The following GLI2 variants were observed in gnomAD, a reference collection of about 807,000 sequenced individuals.
The protein encoded by GLI2 is transcription activator GLI2.
GLI2 carries 22 observed loss-of-function variants against 78.9 expected under a neutral mutation model. The observed-to-expected ratio is 0.28, with a 90% confidence interval of 0.20 to 0.40. GLI2 has a LOEUF of 0.40. Ranked by LOEUF, GLI2 falls within the 10% of genes least tolerant of loss-of-function variation. GLI2 has a pLI of 1.00. For synonymous variants in GLI2, 974 were observed against 963.7 expected, an observed-to-expected ratio of 1.01 and a Z score of -0.20; for missense variants, 2,097 against 2,213.2, an observed-to-expected ratio of 0.95 and a Z score of 1.05.
intron 2 of GLI2, among the ~76,000 whole-genome samples, chr2:120,905,353 T>A (rs1184988511): frequency 6.6e-6 from 1 of 152,124 alleles, no homozygotes; most frequent in African/African-American, 2.4e-5. Flanking sequence ...AGCTGCTGAC[T>A]TGGAGGGTGG....
intron 2 of GLI2, among the ~76,000 whole-genome samples, chr2:120,872,875 G>A (rs1181843517): frequency 4.6e-5 from 7 of 152,240 alleles, no homozygotes; most frequent in East Asian, 1.9e-4. Flanking sequence ...TTCTCTGAAC[G>A]TGACAGGCTA....
intron 8 of GLI2, 184 bp from the exon 9 acceptor site, chr2:120,974,779 AGTGTGTGTGTGT>A (rs3043526): frequency 9.2e-6 from 6 of 649,232 alleles, no homozygotes; most frequent in African/African-American, 8.9e-5. Context: ...AAGGCTGATG[AGTGTGTGTGTGT>A]GTGTGTGTGT....
At position 120,787,323 on chromosome 2, in the gene GLI2, G is replaced by T. The variant is rs1241048404; in HGVS notation, c.-30-9968G>T. On this transcript the variant is annotated intron_variant, in intron 1 of 13. Coordinates refer to ENST00000361492, the MANE Select transcript of GLI2 (RefSeq NM_001374353.1). ...ATGACAGCGACTTGGACCTTGTCCT[G>T]TGCGCACTCACTGCCTTCATGGTCC... 2.6e-5 allele frequency among the ~76,000 whole-genome samples: 4 copies of T among 152,214 alleles called. 1 individual carries two copies. Among genetic ancestry groups the T allele is most frequent in the Admixed American group, 2.0e-4 (3 of 15,282 alleles).
intron 2 of GLI2, among the ~76,000 whole-genome samples, chr2:120,825,335 C>T (rs187026620): frequency 4.6e-5 from 7 of 152,364 alleles, no homozygotes; most frequent in African/African-American, 7.2e-5. Flanking sequence ...AACAACCTCA[C>T]CTGGCTGTGA....
intron 2 of GLI2, among the ~76,000 whole-genome samples, chr2:120,811,832 T>TCCTC (rs1001287640): frequency 1.3e-5 from 2 of 152,192 alleles, no homozygotes; most frequent in East Asian, 1.9e-4. Flanking sequence ...AGATTCTTTT[T>TCCTC]CCTCCCTCCC....
intron 3 of GLI2, among the ~76,000 whole-genome samples, chr2:120,943,539 C>T (rs963010087): frequency 9.9e-5 from 15 of 152,212 alleles, no homozygotes; most frequent in African/African-American, 3.1e-4. Flanking sequence ...TCATCAGCAA[C>T]AGCTGTTGGA....
At chr2:120,862,637 T>TG (rs1447670748) in intron 2 of GLI2, among the ~76,000 whole-genome samples, 1 of 152,098 alleles carries the variant, frequency 6.6e-6, no homozygotes, top group African/African-American at 2.4e-5. Context: ...GCTGGGCAGG[T>TG]GGGGGGCCAA....
chr2:120,789,605 T>G (rs1274144343), intron 1 of GLI2, among the ~76,000 whole-genome samples: 1 of 152,242 alleles, frequency 6.6e-6, no homozygotes, highest in Non-Finnish European at 1.5e-5. Context: ...TAGCATATAC[T>G]GCCTTGGACT....
chr2:120,991,508 C>G lies in GLI2; in HGVS notation c.*833C>G, dbSNP rs1267018490. The G allele has an allele frequency of 6.6e-6, 1 of 152,650 alleles. No homozygotes were observed. Among genetic ancestry groups the G allele is most frequent in the Non-Finnish European group, 1.5e-5 (1 of 68,094 alleles). 9.5% of individuals were successfully genotyped at this position (152,650 alleles called of 1,614,324 possible). A position where few individuals can be genotyped will look rare whatever the true frequency, so the allele number is the denominator to read the frequency against. On this transcript the variant is annotated 3_prime_UTR_variant, in exon 14 of 14. Transcript: ENST00000361492. ...GAAAAGAAGACTTGTTTCTAAATAC[C>G]TCGGGGCTGCTGGAGCCGCTGTGGG... is the stretch of plus-strand genomic sequence containing the variant.
intron 1 of GLI2, among the ~76,000 whole-genome samples, chr2:120,760,798 T>A (rs1323822777): frequency 6.6e-6 from 1 of 152,146 alleles, no homozygotes. Context: ...AACAAAACTG[T>A]CATAATGTTT....
chr2:120,947,790 G>C (rs776730370), intron 3 of GLI2, among the ~76,000 whole-genome samples: 3 of 152,222 alleles, frequency 2.0e-5, no homozygotes, highest in Non-Finnish European at 4.4e-5. Flanking sequence ...TGAAGGGACA[G>C]GCAGTGCCAG....
At chr2:120,957,360 G>A (rs1222883955) in intron 5 of GLI2, among the ~76,000 whole-genome samples, 1 of 152,246 alleles carries the variant, frequency 6.6e-6, no homozygotes, top group Non-Finnish European at 1.5e-5. Flanking sequence ...ACACATCCAT[G>A]TGCTCTGTTC....
At chr2:120,813,011 A>T (rs1460964412) in intron 2 of GLI2, among the ~76,000 whole-genome samples, 1 of 150,064 alleles carries the variant, frequency 6.7e-6, no homozygotes, top group African/African-American at 2.5e-5. Flanking sequence ...TGGGAGATGG[A>T]CCCCCAGCAC....
intron 2 of GLI2, among the ~76,000 whole-genome samples, chr2:120,912,958 A>G (rs990083180): frequency 1.3e-5 from 2 of 152,112 alleles, no homozygotes; most frequent in African/African-American, 2.4e-5. Context: ...ATCGCAAGTA[A>G]CCCTCCTACG....
chr2:120,829,319 G>A (rs1209889950), intron 2 of GLI2, among the ~76,000 whole-genome samples: 1 of 152,224 alleles, frequency 6.6e-6, no homozygotes, highest in African/African-American at 2.4e-5. Flanking sequence ...CATTTACAGA[G>A]TGGGCGCATT....
chr2:120,901,325 G>T (rs1402396964), intron 2 of GLI2, among the ~76,000 whole-genome samples: 1 of 152,174 alleles, frequency 6.6e-6, no homozygotes, highest in African/African-American at 2.4e-5. Context: ...GATACAATTG[G>T]GTTCTTAAAA....
intron 1 of GLI2, among the ~76,000 whole-genome samples, chr2:120,749,039 A>C (rs1333513420): frequency 6.6e-6 from 1 of 152,012 alleles, no homozygotes; most frequent in Non-Finnish European, 1.5e-5. Flanking sequence ...TCTTTGGTGT[A>C]CCCTTCCTCC....
chr2:120,877,603 C>T (rs1481322985), intron 2 of GLI2, among the ~76,000 whole-genome samples: 1 of 152,128 alleles, frequency 6.6e-6, no homozygotes, highest in Non-Finnish European at 1.5e-5. Context: ...TGCTTTTGTT[C>T]TTTATGTCAA....
Position 120,986,407 on chromosome 2 carries a change from G to T in GLI2, c.2035G>T (p.Ala679Ser). Residue 679 changes from alanine (A) to serine (S), a missense_variant, in exon 13 of 14, where the codon GCA becomes TCA. By Grantham distance (99) the Ala-to-Ser change is moderately conservative. Coordinates refer to ENST00000361492, the MANE Select transcript of GLI2 (RefSeq NM_001374353.1). ...TGPGSLGDLT[A>S]LDDTPPGADT... ...GCCCGGGAGCCTGGGAGACCTGACG[G>T]CACTGGATGACACACCCCCAGGGGC... The T allele has an allele frequency of 1.2e-6, 2 of 1,613,800 alleles. No individual in the cohort carries two copies. Among genetic ancestry groups the T allele is most frequent in the Non-Finnish European group, 1.7e-6 (2 of 1,180,000 alleles).
Sources: allele counts gnomAD v4.1 joint callset (sites outside exome capture counted in the v4.1 genomes callset), GRCh38; gene constraint gnomAD v4.1.1; transcripts MANE v1.5; gene names NCBI Gene and HGNC (gene_info 2026-07-23, HGNC 2026-07-21).